Variants in DMXL1 observed in about 807,000 individuals in gnomAD.
DMXL1 encodes dmX-like protein 1.
Under a neutral mutation model 319.2 loss-of-function variants are expected in DMXL1, and 99 were observed. The observed-to-expected ratio is 0.31, with a 90% CI of 0.26 to 0.37. The LOEUF (loss-of-function observed/expected upper bound fraction) is 0.37. DMXL1 is among the 10% of genes least tolerant of loss of function. The pLI is 1.00. For missense variants in DMXL1, 3,745 were observed against 3,595.6 expected (o/e 1.04, Z -1.06); for synonymous variants, 1,385 against 1,235.2 (o/e 1.12, Z -2.54).
At position 119,189,639 on chromosome 5, in the gene DMXL1, A is replaced by G. The variant is rs1581227689; in HGVS notation, c.7136-69A>G. On this transcript the variant is annotated intron_variant, in intron 28 of 43. Coordinates refer to ENST00000539542, the MANE Select transcript of DMXL1 (RefSeq NM_001290321.3). ...TTATTTGTAGTTAACCTTAGCTCTTATGTAAACACAGGTGAAATAAATGCA... is the reference window on the plus strand; with the variant it reads ...TTATTTGTAGTTAACCTTAGCTCTTGTGTAAACACAGGTGAAATAAATGCA... The G allele has an allele frequency of 2.8e-6, 4 of 1,447,258 alleles. No homozygotes were observed. In the East Asian group the frequency reaches 9.2e-5, roughly 33 times the overall value. 89.7% of individuals were successfully genotyped at this position (1,447,258 alleles called of 1,614,324 possible).
intron 1 of DMXL1, among the ~76,000 whole-genome samples, chr5:119,096,542 C>A (rs765830581): frequency 1.4e-4 from 21 of 152,150 alleles, no homozygotes; most frequent in Admixed American, 2.6e-4. Context: ...TTGATAAAAA[C>A]TTTATGAACT....
chr5:119,198,800 A>G (rs967901216), intron 32 of DMXL1, among the ~76,000 whole-genome samples: 2 of 152,222 alleles, frequency 1.3e-5, no homozygotes, highest in African/African-American at 4.8e-5. Flanking sequence ...GGAACAAAAT[A>G]GAGATCCCAG....
chr5:119,137,136 G>C (rs1397112039), intron 13 of DMXL1, among the ~76,000 whole-genome samples: 2 of 152,246 alleles, frequency 1.3e-5, no homozygotes, highest in Non-Finnish European at 2.9e-5. Context: ...ACCCACACCT[G>C]TGTCAATGTG....
intron 41 of DMXL1, among the ~76,000 whole-genome samples, chr5:119,239,424 C>T (rs998569334): frequency 2.6e-5 from 4 of 152,174 alleles, no homozygotes; most frequent in Admixed American, 1.3e-4. Flanking sequence ...TTCTTCAGCT[C>T]GTCTTCCGTA....
chr5:119,133,807 C>G lies in DMXL1; in HGVS notation c.1883C>G (p.Ser628Cys), dbSNP rs1262625327. ...GCTTTTTCTACTGTTCTCAGTATTTCCCACAAATCCAGATATTGTGGTCAT... is the reference window on the plus strand; with the variant it reads ...GCTTTTTCTACTGTTCTCAGTATTTGCCACAAATCCAGATATTGTGGTCAT... ...ESAFSTVLSI[S>C]HKSRYCGHRF... Residue 628 changes from serine (S) to cysteine (C), a missense_variant, in exon 12 of 44, where the codon TCC becomes TGC. Transcript: ENST00000539542. 1 of 1,613,976 alleles carries G rather than the reference C, an allele frequency of 6.2e-7. No homozygotes were observed. The highest frequency in any genetic ancestry group is 8.5e-7 in the Non-Finnish European group (1 of 1,180,018).
In DMXL1 at chr5:119,189,622, A is replaced by G. The variant is rs1778352391; in HGVS notation, c.7136-86A>G. On this transcript the variant is annotated intron_variant, in intron 28 of 43. Coordinates refer to ENST00000539542, the MANE Select transcript of DMXL1 (RefSeq NM_001290321.3). The stretch of plus-strand genomic sequence containing the variant: ...TATTTTTTTGTGTGTGCTTATTTGT[A>G]GTTAACCTTAGCTCTTATGTAAACA... 4 of 1,209,000 alleles carry G rather than the reference A, an allele frequency of 3.3e-6. No individual in the cohort carries two copies. The East Asian group carries it at 9.5e-5, about 29-fold the overall frequency. 74.9% of individuals were successfully genotyped at this position (1,209,000 alleles called of 1,614,324 possible). A position where few individuals can be genotyped will look rare whatever the true frequency, so the allele number is the denominator to read the frequency against.
chr5:119,110,394 TAGTCTATG>T, intron 5 of DMXL1, 111 bp downstream of exon 5: 1 of 966,644 alleles, frequency 1.0e-6, no homozygotes, highest in Non-Finnish European at 1.5e-6. Context: ...TATTGATTTT[TAGTCTATG>T]ATATGCTTTT....
In DMXL1 at chr5:119,071,576, C is replaced by T. The variant is rs1749567261; in HGVS notation, c.7C>T (p.Leu3=). MN[L]HQVLTGAVNP... ...GCAGGACTAGGGCGCCGACATGAACCTGCACCAGGTGCTGACCGGGGCTGT... is the reference window on the plus strand; with the variant it reads ...GCAGGACTAGGGCGCCGACATGAACTTGCACCAGGTGCTGACCGGGGCTGT... The change falls in exon 1 of 44, where the codon CTG becomes TTG. Residue 3 remains leucine (L), a synonymous_variant. Transcript: ENST00000539542. The T allele has an allele frequency of 6.2e-7, 1 of 1,605,272 alleles. No homozygotes were observed.
In DMXL1 at chr5:119,221,783, C is replaced by CTT. The variant is rs34394187; in HGVS notation, c.8277+714_8277+715dup. 2.5e-3 allele frequency among the ~76,000 whole-genome samples: 362 copies of CTT among 146,040 alleles called. 1 individual carries two copies. The highest frequency in any genetic ancestry group is 3.5e-3 in the Middle Eastern group (1 of 288). ...TTTTTTAAATGCCAGGACAAATATT[C>CTT]TTTTTTTTTTTTTAACAAAAACAAT... On this transcript the variant is annotated intron_variant, in intron 37 of 43. Transcript: ENST00000539542.
chr5:119,189,503 A>G (rs2150369159), intron 28 of DMXL1, among the ~76,000 whole-genome samples: 1 of 152,292 alleles, frequency 6.6e-6, no homozygotes, highest in East Asian at 1.9e-4. Context: ...GTGAGGGACA[A>G]ATTGAGGAAA....
At chr5:119,246,478 G>A (rs917159881) in intron 43 of DMXL1, among the ~76,000 whole-genome samples, 1 of 151,998 alleles carries the variant, frequency 6.6e-6, no homozygotes, top group Admixed American at 6.6e-5. Context: ...TAAGTATTTT[G>A]TGTTAAAGCA....
Position 119,071,534 on chromosome 5 carries a change from T to C in DMXL1, c.-36T>C, listed in dbSNP as rs1357425865. On this transcript the variant is annotated 5_prime_UTR_variant, in exon 1 of 44. Coordinates refer to ENST00000539542, the MANE Select transcript of DMXL1 (RefSeq NM_001290321.3). ...GCAGCCGCTGACCCGTGGCATGAGC[T>C]GGATGCGGTGTCCGTTGCAGGACTA... The C allele has an allele frequency of 6.3e-7, 1 of 1,575,298 alleles. No individual in the cohort carries two copies. The highest frequency in any genetic ancestry group is 8.6e-7 in the Non-Finnish European group (1 of 1,158,412).
intron 19 of DMXL1, among the ~76,000 whole-genome samples, chr5:119,158,946 T>A (rs561016533): frequency 3.3e-5 from 5 of 152,318 alleles, no homozygotes; most frequent in Admixed American, 1.3e-4. Context: ...TAATTTTTTT[T>A]AATTCATTTT....
intron 19 of DMXL1, 31 bp downstream of exon 19, chr5:119,152,067 A>T: frequency 3.4e-6 from 5 of 1,459,694 alleles, no homozygotes; most frequent in Non-Finnish European, 4.7e-6. Flanking sequence ...TTAAAGGGAA[A>T]TAAAGCGAGT....
chr5:119,166,368 A>G (rs1773446845), intron 21 of DMXL1, among the ~76,000 whole-genome samples: 1 of 152,162 alleles, frequency 6.6e-6, no homozygotes, highest in Non-Finnish European at 1.5e-5. Flanking sequence ...TTTAAAAGTA[A>G]TTTTCACAGT....
chr5:119,135,888 G>T (rs1299272774), intron 13 of DMXL1, among the ~76,000 whole-genome samples: 4 of 152,158 alleles, frequency 2.6e-5, no homozygotes, highest in African/African-American at 2.4e-5. Context: ...ACAGATAATT[G>T]GTACCAGGAG....
chr5:119,222,679 C>A (rs954046795), intron 37 of DMXL1, among the ~76,000 whole-genome samples: 1 of 152,158 alleles, frequency 6.6e-6, no homozygotes, highest in Non-Finnish European at 1.5e-5. Context: ...CACTCGCTTT[C>A]TAAAAAATTT....
chr5:119,137,573 TG>T (rs1766309099), intron 13 of DMXL1, among the ~76,000 whole-genome samples: 1 of 152,186 alleles, frequency 6.6e-6, no homozygotes, highest in Non-Finnish European at 1.5e-5. Flanking sequence ...GGGAGGCACC[TG>T]GTGGGAGGTG....
In DMXL1 at chr5:119,177,378, T is replaced by C; in HGVS notation, c.6780T>C (p.Phe2260=). 2 of 1,564,522 alleles carry C rather than the reference T, an allele frequency of 1.3e-6. No individual in the cohort carries two copies. The highest frequency in any genetic ancestry group is 1.7e-6 in the Non-Finnish European group (2 of 1,157,268). Residue 2260 remains phenylalanine, a synonymous_variant, in exon 27 of 44, where the codon TTT becomes TTC. Coordinates refer to ENST00000539542, the MANE Select transcript of DMXL1 (RefSeq NM_001290321.3). The stretch of plus-strand genomic sequence containing the variant: ...TTAGTTCATTTCAGACGAATCAGTT[T>C]ACTGGAATGGTATATCAGACAGTAC... ...HNYSSFQTNQ[F]TGMVYQTVLL...
Sources: allele counts gnomAD v4.1 joint callset (sites outside exome capture counted in the v4.1 genomes callset), GRCh38; gene constraint gnomAD v4.1.1; transcripts MANE v1.5; gene names NCBI Gene and HGNC (gene_info 2026-07-23, HGNC 2026-07-21).